The following WWP2 variants were observed in gnomAD, a reference collection of about 807,000 sequenced individuals.
WWP2 encodes the protein NEDD4-like E3 ubiquitin-protein ligase WWP2.
Under a neutral mutation model 121.0 loss-of-function variants are expected in WWP2, and 57 were observed. The ratio of observed to expected loss-of-function variants is 0.47; its 90% CI spans 0.38 to 0.59. The LOEUF (loss-of-function observed/expected upper bound fraction) is 0.59. Ranked by LOEUF, WWP2 falls within the 20% of genes least tolerant of loss-of-function variation. The pLI, the probability that WWP2 is intolerant of heterozygous loss-of-function variation, is 0.00. For synonymous variants in WWP2, 449 were observed against 441.3 expected (o/e 1.02, Z -0.22); for missense variants, 962 against 1,158.9 (o/e 0.83, Z 2.47).
At chr16:69,847,291 G>T (rs911365497) in intron 6 of WWP2, among the ~76,000 whole-genome samples, 1 of 151,548 alleles carries the variant, frequency 6.6e-6, no homozygotes, top group Non-Finnish European at 1.5e-5. Flanking sequence ...CACCATATTG[G>T]TCAGGCTGGT....
intron 10 of WWP2, among the ~76,000 whole-genome samples, chr16:69,923,851 A>G (rs2058599614): frequency 6.6e-6 from 1 of 152,210 alleles, no homozygotes; most frequent in African/African-American, 2.4e-5. Context: ...TGTTAACTAC[A>G]AAACAGAGTT....
chr16:69,894,085 T>G (rs973607817), intron 8 of WWP2, among the ~76,000 whole-genome samples: 2 of 152,034 alleles, frequency 1.3e-5, no homozygotes, highest in Non-Finnish European at 2.9e-5. Context: ...ATTTTTTTTT[T>G]TTTTAACTGA....
chr16:69,878,193 C>T (rs559295294), intron 7 of WWP2, among the ~76,000 whole-genome samples: 1 of 152,124 alleles, frequency 6.6e-6, no homozygotes, highest in Non-Finnish European at 1.5e-5. Flanking sequence ...GGTCACAGAT[C>T]TCCATGACGG....
chr16:69,908,940 T>C, intron 9 of WWP2, 90 bp downstream of exon 9: 2 of 1,598,374 alleles, frequency 1.3e-6, no homozygotes, highest in Non-Finnish European at 1.7e-6. Flanking sequence ...TCTGCGGAGG[T>C]AGCATAGCAC....
intron 4 of WWP2, among the ~76,000 whole-genome samples, chr16:69,836,177 A>G (rs1209870232): frequency 6.6e-6 from 1 of 152,176 alleles, no homozygotes; most frequent in Non-Finnish European, 1.5e-5. Context: ...TTCAGTTTGT[A>G]TGCAAATTTC....
chr16:69,763,726 A>G (rs2038667631), intron 1 of WWP2, among the ~76,000 whole-genome samples: 1 of 152,188 alleles, frequency 6.6e-6, no homozygotes, highest in Non-Finnish European at 1.5e-5. Context: ...CTAGATTGCA[A>G]ATCCTTCAAG....
Position 69,940,146 on chromosome 16 carries a change from G to A in WWP2, c.*206G>A, listed in dbSNP as rs1251726096. ...CCCGCGGATGGCAGTCTGGAATAAA[G>A]CCCCCTAGTTGCCTTTGGCCCCACC... On this transcript the variant is annotated 3_prime_UTR_variant, in exon 24 of 24. Transcript: ENST00000359154. 1 of 584,404 alleles carries A rather than the reference G, an allele frequency of 1.7e-6. No individual in the cohort carries two copies. Among genetic ancestry groups the A allele is most frequent in the Admixed American group, 3.1e-5 (1 of 32,160 alleles). 36.2% of individuals were successfully genotyped at this position (584,404 alleles called of 1,614,324 possible).
chr16:69,789,504 G>A (rs916674744), intron 2 of WWP2, among the ~76,000 whole-genome samples: 4 of 151,996 alleles, frequency 2.6e-5, no homozygotes, highest in Admixed American at 6.6e-5. Context: ...CTGGGATTAC[G>A]GGCGTGAGCC....
At chr16:69,866,443 G>A (rs2057526494) in intron 6 of WWP2, among the ~76,000 whole-genome samples, 1 of 151,636 alleles carries the variant, frequency 6.6e-6, no homozygotes, top group Admixed American at 6.6e-5. Flanking sequence ...AGATATTTTT[G>A]CTTTCTACAA....
intron 1 of WWP2, among the ~76,000 whole-genome samples, chr16:69,764,269 G>A (rs1340990896): frequency 2.6e-5 from 4 of 152,028 alleles, no homozygotes; most frequent in Admixed American, 6.5e-5. Flanking sequence ...GCACAATCAC[G>A]GCTCACTGTA....
At chr16:69,891,883 C>G (rs939844701) in intron 8 of WWP2, among the ~76,000 whole-genome samples, 1 of 152,192 alleles carries the variant, frequency 6.6e-6, no homozygotes, top group African/African-American at 2.4e-5. Flanking sequence ...TACATCTTTC[C>G]CCTGACCCTG....
Position 69,939,197 on chromosome 16 carries a change from C to G in WWP2, c.2440+74C>G. The G allele has an allele frequency of 6.4e-6, 10 of 1,560,606 alleles. No individual in the cohort carries two copies. In the South Asian group the frequency reaches 1.1e-4, roughly 18 times the overall value. Reference sequence around the variant, plus strand: ...TCAGAGGGAGGGGGAAACCTAGTCTCTTCCTGGAAGCACGTCAGTGGGATG... The same window carrying G: ...TCAGAGGGAGGGGGAAACCTAGTCTGTTCCTGGAAGCACGTCAGTGGGATG... On this transcript the variant is annotated intron_variant, in intron 22 of 23. Transcript: ENST00000359154.
chr16:69,826,139 T>C (rs1313475582), intron 4 of WWP2, among the ~76,000 whole-genome samples: 1 of 151,238 alleles, frequency 6.6e-6, no homozygotes, highest in Non-Finnish European at 1.5e-5. Flanking sequence ...TGGTGGTGGG[T>C]GCCTATAATC....
At chr16:69,787,124 G>A in intron 2 of WWP2, 44 bp downstream of exon 2, 1 of 1,558,386 alleles carries the variant, frequency 6.4e-7, no homozygotes, top group Non-Finnish European at 8.7e-7. Context: ...TACGCCCAGG[G>A]AAGAGGGAGA....
rs1161061882 is a variant in WWP2 at position 69,933,656 on chromosome 16, C to A, written c.1683-314C>A. On this transcript the variant is annotated intron_variant, in intron 16 of 23. Transcript: ENST00000359154. ...ATGGTGACCCAGGGTACAAGGACCCCCTTTACCATTAGAAGCTCTGGATAT... is the reference window on the plus strand; with the variant it reads ...ATGGTGACCCAGGGTACAAGGACCCACTTTACCATTAGAAGCTCTGGATAT... 2.0e-5 allele frequency among the ~76,000 whole-genome samples: 3 copies of A among 152,138 alleles called. No homozygotes were observed. The East Asian group carries it at 5.8e-4, about 29-fold the overall frequency.
chr16:69,851,226 C>T (rs2057206495), intron 6 of WWP2, among the ~76,000 whole-genome samples: 1 of 151,642 alleles, frequency 6.6e-6, no homozygotes, highest in East Asian at 1.9e-4. Flanking sequence ...CCATGTTGGC[C>T]AGGCTGGTCT....
chr16:69,828,524 A>G (rs2056742913), intron 4 of WWP2, among the ~76,000 whole-genome samples: 1 of 151,242 alleles, frequency 6.6e-6, no homozygotes, highest in African/African-American at 2.4e-5. Context: ...GCACCACCAC[A>G]CCCCGCTAAT....
intron 1 of WWP2, among the ~76,000 whole-genome samples, chr16:69,765,851 C>T (rs1001637138): frequency 1.3e-5 from 2 of 151,902 alleles, no homozygotes; most frequent in Non-Finnish European, 1.5e-5. Context: ...GAGTTGGGGG[C>T]GGGGGTTCTC....
chr16:69,910,427 T>C, intron 9 of WWP2: 11 of 906,252 alleles, frequency 1.2e-5, no homozygotes, highest in Non-Finnish European at 1.5e-5. Context: ...TTTTTTTTTT[T>C]AGACGGAGTC....
Sources: gnomAD v4.1 joint callset for allele counts (sites outside exome capture counted in the v4.1 genomes callset) on GRCh38, gnomAD v4.1.1 for gene constraint, MANE v1.5 for transcripts, NCBI Gene and HGNC (gene_info 2026-07-23, HGNC 2026-07-21) for gene names.